The following AHCYL1 variants were observed in gnomAD, a reference collection of about 807,000 sequenced individuals.
AHCYL1 encodes S-adenosylhomocysteine hydrolase-like protein 1.
A neutral mutation model predicts 79.3 loss-of-function variants in AHCYL1; 20 were observed. That is an observed-to-expected ratio of 0.25 (90% CI 0.18 to 0.37). The LOEUF is 0.37. Among genes scored for constraint, AHCYL1 ranks in the 10% least tolerant of loss-of-function variants. The probability of loss-of-function intolerance (pLI) is 1.00; values close to 1 mark genes in which losing one functional copy is unlikely to be tolerated. For missense variants in AHCYL1, 330 were observed against 673.6 expected (o/e 0.49, Z 5.65); for synonymous variants, 223 against 242.2 (o/e 0.92, Z 0.74).
chr1:109,994,095 C>T (rs1315817346), intron 1 of AHCYL1, among the ~76,000 whole-genome samples: 1 of 152,220 alleles, frequency 6.6e-6, no homozygotes, highest in African/African-American at 2.4e-5. Flanking sequence ...CTTTGAAACA[C>T]ACCTTCTTTA....
intron 7 of AHCYL1, 38 bp downstream of exon 7, chr1:110,015,569 C>A (rs1570887900): frequency 6.5e-7 from 1 of 1,528,290 alleles, no homozygotes. Flanking sequence ...TGTGTCCTTG[C>A]CTCAGCAAAC....
At chr1:110,004,207 G>A (rs1246121176) in intron 1 of AHCYL1, 1 of 985,542 alleles carries the variant, frequency 1.0e-6, no homozygotes, top group African/African-American at 1.7e-5. Context: ...GGCGGGAGTC[G>A]GCGGGGGAAG....
chr1:110,000,120 T>G (rs965147579), intron 1 of AHCYL1, among the ~76,000 whole-genome samples: 4 of 152,208 alleles, frequency 2.6e-5, no homozygotes, highest in African/African-American at 9.6e-5. Context: ...AAGTATATTC[T>G]CTGTTGCATG....
At chr1:109,990,718 T>C (rs1484117752) in intron 1 of AHCYL1, among the ~76,000 whole-genome samples, 1 of 152,214 alleles carries the variant, frequency 6.6e-6, no homozygotes, top group African/African-American at 2.4e-5. Context: ...GTCCTCTACC[T>C]TACCATTCCC....
intron 2 of AHCYL1, among the ~76,000 whole-genome samples, chr1:110,010,340 G>C (rs1299256377): frequency 6.6e-6 from 1 of 152,226 alleles, no homozygotes; most frequent in Non-Finnish European, 1.5e-5. Context: ...GTCAGTCAGT[G>C]AGAGAGTCCA....
chr1:110,010,295 T>C (rs1288718614), intron 2 of AHCYL1, among the ~76,000 whole-genome samples: 2 of 152,190 alleles, frequency 1.3e-5, no homozygotes, highest in Non-Finnish European at 2.9e-5. Context: ...GTAGTATTTG[T>C]GTTAGCTGGA....
chr1:109,993,949 G>A (rs554394048), intron 1 of AHCYL1, among the ~76,000 whole-genome samples: 10 of 152,290 alleles, frequency 6.6e-5, no homozygotes, highest in Admixed American at 1.3e-4. Context: ...AAAGTACATT[G>A]GAACTCTGAA....
intron 5 of AHCYL1, 67 bp from the exon 6 acceptor site, chr1:110,014,696 C>A: frequency 8.1e-7 from 1 of 1,231,148 alleles, no homozygotes; most frequent in Non-Finnish European, 1.2e-6. Context: ...ACATGGATCT[C>A]AGAAAGTGAT....
At chr1:110,009,204 C>T (rs1419092500) in intron 2 of AHCYL1, 59 bp downstream of exon 2, 2 of 1,446,904 alleles carry the variant, frequency 1.4e-6, no homozygotes, top group African/African-American at 1.4e-5. Context: ...GCTACCAGTG[C>T]TCTTCACTTA....
intron 9 of AHCYL1, 26 bp from the exon 10 acceptor site, chr1:110,017,469 G>A (rs755611999): frequency 6.5e-5 from 105 of 1,611,060 alleles, no homozygotes; most frequent in Middle Eastern, 1.6e-4. Context: ...TGAACCTAAC[G>A]ACTTGACCTT....
Position 110,018,393 on chromosome 1 carries a change from C to G in AHCYL1, c.1144C>G (p.Arg382Gly). 6.2e-7 allele frequency: 1 copy of G among 1,614,070 alleles called. No homozygotes were observed. The highest frequency in any genetic ancestry group is 8.5e-7 in the Non-Finnish European group (1 of 1,179,996). The change falls in exon 12 of 17, where the codon CGG becomes GGG. Residue 382 changes from arginine (R) to glycine (G), a missense_variant. Arg to Gly is a moderately radical substitution (Grantham distance 125). Transcript: ENST00000369799. Reference protein sequence around the residue: ...TCTGNKNVVTREHLDRMKNSC... With the variant: ...TCTGNKNVVTGEHLDRMKNSC... The stretch of plus-strand genomic sequence containing the variant: ...TTTAGGAAATAAGAATGTAGTGACA[C>G]GGGAGCACTTGGATCGCATGAAAAA...
At chr1:110,017,841 G>A in intron 10 of AHCYL1, 105 bp from the exon 11 acceptor site, 1 of 1,157,084 alleles carries the variant, frequency 8.6e-7, no homozygotes, top group Non-Finnish European at 1.3e-6. Context: ...ATTCCTGTGA[G>A]GTGGCACTGG....
chr1:110,002,284 G>A (rs1208344434), intron 1 of AHCYL1, among the ~76,000 whole-genome samples: 3 of 152,184 alleles, frequency 2.0e-5, no homozygotes, highest in Non-Finnish European at 4.4e-5. Context: ...GAGAGAAATG[G>A]TTGATTCCAG....
At chr1:110,015,755 T>C (rs1374140889) in intron 7 of AHCYL1, among the ~76,000 whole-genome samples, 2 of 152,250 alleles carry the variant, frequency 1.3e-5, no homozygotes, top group Admixed American at 1.3e-4. Context: ...CATTGAGTGA[T>C]TCTCAACTAG....
intron 1 of AHCYL1, among the ~76,000 whole-genome samples, chr1:109,998,600 C>T (rs1177498918): frequency 6.6e-6 from 1 of 152,172 alleles, no homozygotes; most frequent in Non-Finnish European, 1.5e-5. Context: ...GCCTCAGCCT[C>T]CTGAGTAGCT....
At chr1:110,001,004 A>G (rs1438214871) in intron 1 of AHCYL1, 1 of 966,600 alleles carries the variant, frequency 1.0e-6, no homozygotes, top group Non-Finnish European at 1.2e-6. Flanking sequence ...TGGGATTTCA[A>G]ACTTCCTGTA....
intron 1 of AHCYL1, among the ~76,000 whole-genome samples, chr1:110,008,701 G>A (rs1650826287): frequency 6.6e-6 from 1 of 152,194 alleles, no homozygotes; most frequent in Non-Finnish European, 1.5e-5. Context: ...AGGGTAAAGA[G>A]TTTAATCTGT....
chr1:110,008,740 A>G (rs1160309841), intron 1 of AHCYL1, among the ~76,000 whole-genome samples: 1 of 152,218 alleles, frequency 6.6e-6, no homozygotes, highest in Non-Finnish European at 1.5e-5. Context: ...AAAAAACTTG[A>G]TGGAATGTGA....
chr1:110,018,732 T>A, intron 13 of AHCYL1, 82 bp downstream of exon 13: 1 of 1,263,594 alleles, frequency 7.9e-7, no homozygotes, highest in Non-Finnish European at 1.1e-6. Flanking sequence ...GAAACAAATA[T>A]TAGGCCTATG....
Sources: gnomAD v4.1 joint callset for allele counts (sites outside exome capture counted in the v4.1 genomes callset) on GRCh38, gnomAD v4.1.1 for gene constraint, MANE v1.5 for transcripts, NCBI Gene and HGNC (gene_info 2026-07-23, HGNC 2026-07-21) for gene names.